Variants in SZT2 observed in about 807,000 individuals in gnomAD.
SZT2 encodes KICSTOR complex protein SZT2.
A neutral mutation model predicts 404.2 loss-of-function variants in SZT2; 216 were observed. That is an observed-to-expected ratio of 0.53 (90% CI 0.48 to 0.60). The LOEUF is 0.60. Among genes scored for constraint, SZT2 ranks in the 20% least tolerant of loss-of-function variants. The pLI is 0.00. For synonymous variants in SZT2, 1,693 were observed against 1,749.9 expected (o/e 0.97, Z 0.81); for missense variants, 3,857 against 4,459.2 (o/e 0.86, Z 3.85).
rs1489400267 is a variant in SZT2 at position 43,422,800 on chromosome 1, A to G, written c.1954A>G (p.Met652Val). Residue 652 changes from methionine (M) to valine (V), a missense_variant, in exon 14 of 72, where the codon ATG (methionine) becomes GTG (valine). By Grantham distance (21) the Met-to-Val change is conservative. This residue lies in a region of SZT2 where 1,725 missense variants were observed against 1,881.0 expected (regional missense o/e 0.92). Transcript: ENST00000634258. ...APDQPPNSFY[M>V]VRIISKAPCM... The stretch of plus-strand genomic sequence containing the variant: ...AGACCAGCCCCCCAATTCCTTCTAC[A>G]TGGTCCGTATCATTTCCAAGGCCCC... 1.9e-6 allele frequency: 3 copies of G among 1,590,836 alleles called. No individual in the cohort carries two copies. The highest frequency in any genetic ancestry group is 1.7e-5 in the Admixed American group (1 of 59,360).
chr1:43,438,617 T>G, intron 46 of SZT2, 82 bp from the exon 47 acceptor site: 7 of 1,331,272 alleles, frequency 5.3e-6, no homozygotes, highest in African/African-American at 1.4e-5. Flanking sequence ...GGGGATTCTT[T>G]GAGTTTGGCA....
In SZT2 at chr1:43,453,240, G is replaced by T; in HGVS notation, c.*2760G>T. 1 of 647,000 alleles carries T rather than the reference G, an allele frequency of 1.5e-6. No individual in the cohort carries two copies. The highest frequency in any genetic ancestry group is 2.7e-6 in the Non-Finnish European group (1 of 372,722). 40.1% of individuals were successfully genotyped at this position (647,000 alleles called of 1,614,324 possible). Reference sequence around the variant, plus strand: ...GCATAAGACAGATAAAATACAAAAGGCAATTTACAAAGGACCAGGACCGCA... The same window carrying T: ...GCATAAGACAGATAAAATACAAAAGTCAATTTACAAAGGACCAGGACCGCA... On this transcript the variant is annotated 3_prime_UTR_variant, in exon 72 of 72. Coordinates refer to ENST00000634258, the MANE Select transcript of SZT2 (RefSeq NM_001365999.1).
In SZT2 at chr1:43,416,118, TTGG is replaced by T; in HGVS notation, c.772+21_772+23del. 6.3e-7 allele frequency: 1 copy of T among 1,597,152 alleles called. No homozygotes were observed. The highest frequency in any genetic ancestry group is 8.5e-7 in the Non-Finnish European group (1 of 1,179,106). ...CTAGTGCAGGTCAGTAGAAGGAATA[TTGG>T]TGGGACTGGGGAAGCAGGGATACAG... On this transcript the variant is annotated intron_variant, in intron 6 of 71. Transcript: ENST00000634258.
In SZT2 at chr1:43,422,115, A is replaced by G. The variant is rs556180436; in HGVS notation, c.1659A>G (p.Ser553=). ...VLSLQPSGSD[S]SHAQFAAYWK... is the part of the protein sequence containing the mutation. ...CCCTCCAGCCCAGTGGTTCTGACTC[A>G]TCCCATGCCCAGTTTGCTGCCTACT... The change falls in exon 12 of 72, where the codon TCA becomes TCG. Residue 553 remains serine (S), a synonymous_variant. Coordinates refer to ENST00000634258, the MANE Select transcript of SZT2 (RefSeq NM_001365999.1). 39 of 1,597,892 alleles carry G rather than the reference A, an allele frequency of 2.4e-5. No individual in the cohort carries two copies. The highest frequency in any genetic ancestry group is 1.3e-4 in the Admixed American group (8 of 59,990).
chr1:43,416,680 A>T (rs1453661001), intron 7 of SZT2, 39 bp downstream of exon 7: 1 of 1,501,486 alleles, frequency 6.7e-7, no homozygotes, highest in East Asian at 2.3e-5. Flanking sequence ...GATATGGAAT[A>T]TCTCACACAA....
At chr1:43,415,281 G>A in intron 5 of SZT2, 68 bp downstream of exon 5, 1 of 1,571,628 alleles carries the variant, frequency 6.4e-7, no homozygotes, top group Non-Finnish European at 8.6e-7. Flanking sequence ...AGGGCAGAGA[G>A]GAGGGATAGT....
intron 1 of SZT2, among the ~76,000 whole-genome samples, chr1:43,401,976 A>C (rs964550623): frequency 1.4e-4 from 22 of 152,026 alleles, no homozygotes; most frequent in African/African-American, 5.3e-4. Flanking sequence ...TGTTCTCCAC[A>C]CTTTTCTCTG....
intron 1 of SZT2, among the ~76,000 whole-genome samples, chr1:43,399,335 A>G (rs1032812983): frequency 6.6e-6 from 1 of 151,872 alleles, no homozygotes; most frequent in East Asian, 1.9e-4. Flanking sequence ...GCATTATCTC[A>G]TCAAGACCCA....
Position 43,453,020 on chromosome 1 carries a change from A to G in SZT2, c.*2540A>G, listed in dbSNP as rs1656609385. 1 of 1,458,372 alleles carries G rather than the reference A, an allele frequency of 6.9e-7. No individual in the cohort carries two copies. Among genetic ancestry groups the G allele is most frequent in the East Asian group, 2.3e-5 (1 of 43,644 alleles). 90.3% of individuals were successfully genotyped at this position (1,458,372 alleles called of 1,614,324 possible). On this transcript the variant is annotated 3_prime_UTR_variant, in exon 72 of 72. Transcript: ENST00000634258. ...ATGCCCACTCCTTGAAGACAGTCCAAGCATCACTACCTGTAAGCAGCTTTC... is the reference window on the plus strand; with the variant it reads ...ATGCCCACTCCTTGAAGACAGTCCAGGCATCACTACCTGTAAGCAGCTTTC...
At chr1:43,413,492 A>G (rs955049948) in intron 4 of SZT2, among the ~76,000 whole-genome samples, 13 of 152,244 alleles carry the variant, frequency 8.5e-5, no homozygotes, top group African/African-American at 2.7e-4. Context: ...TGGAAGAGAT[A>G]TCTGCACTCC....
Position 43,453,402 on chromosome 1 carries a change from C to T in SZT2, c.*2922C>T, listed in dbSNP as rs137998671. 3.2e-6 allele frequency: 5 copies of T among 1,555,744 alleles called. No homozygotes were observed. Among genetic ancestry groups the T allele is most frequent in the East Asian group, 4.8e-5 (2 of 41,420 alleles). On this transcript the variant is annotated 3_prime_UTR_variant, in exon 72 of 72. Coordinates refer to ENST00000634258, the MANE Select transcript of SZT2 (RefSeq NM_001365999.1). ...GCGGGGTACCTGGGACAGCCCAGGG[C>T]TTTGGCATACCGCACGGCCTGCTCC...
chr1:43,429,878 A>ATC, intron 29 of SZT2, 34 bp downstream of exon 29: 1 of 1,613,646 alleles, frequency 6.2e-7, no homozygotes, highest in Non-Finnish European at 8.5e-7. Context: ...AAGAGGTGTT[A>ATC]GAGTCCTGCC....
chr1:43,431,708 A>G lies in SZT2; in HGVS notation c.5089-8A>G, dbSNP rs1217415516. ...AGATGCCCTTTGTCACTTGCTGTCT[A>G]ACTGTAGATCCGCTGGTTGTTGGAA... On this transcript the variant is annotated splice_polypyrimidine_tract_variant and splice_region_variant and intron_variant, in intron 35 of 71. Coordinates refer to ENST00000634258, the MANE Select transcript of SZT2 (RefSeq NM_001365999.1). The G allele has an allele frequency of 1.9e-6, 3 of 1,613,790 alleles. No individual in the cohort carries two copies. The highest frequency in any genetic ancestry group is 1.7e-5 in the Admixed American group (1 of 60,024).
chr1:43,440,468 G>T lies in SZT2; in HGVS notation c.7226G>T (p.Gly2409Val). The T allele has an allele frequency of 6.2e-7, 1 of 1,600,860 alleles. No homozygotes were observed. The highest frequency in any genetic ancestry group is 8.5e-7 in the Non-Finnish European group (1 of 1,174,268). Reference protein sequence around the residue: ...EDTPTGSLRNGSLETKSSAGR... With the variant: ...EDTPTGSLRNVSLETKSSAGR... ...ATGTCCACAGGAAGTCTCAGGAACG[G>T]ATCGTTGGAAACTAAGAGCTCTGCA... The change falls in exon 52 of 72, where the codon GGA (glycine) becomes GTA (valine). Residue 2409 changes from glycine (G) to valine (V), a missense_variant. Coordinates refer to ENST00000634258, the MANE Select transcript of SZT2 (RefSeq NM_001365999.1).
At chr1:43,414,973 A>G in intron 4 of SZT2, 109 bp from the exon 5 acceptor site, 2 of 1,386,852 alleles carry the variant, frequency 1.4e-6, no homozygotes. Flanking sequence ...CTGGTTGGGT[A>G]GGAAGTCAGG....
Position 43,420,065 on chromosome 1 carries a change from A to G in SZT2, c.1091-88A>G. 6.4e-7 allele frequency: 1 copy of G among 1,568,254 alleles called. No homozygotes were observed. Among genetic ancestry groups the G allele is most frequent in the South Asian group, 1.2e-5 (1 of 86,750 alleles). On this transcript the variant is annotated intron_variant, in intron 8 of 71. Transcript: ENST00000634258. The surrounding 1 kb of genome is among the most constrained non-coding windows in gnomAD (Gnocchi z 5.1). ...GGCTCTGCTGGCACTGTTACCTCAC[A>G]GTCATTTCAGCATAGCCCCTTCCCC...
intron 15 of SZT2, 44 bp downstream of exon 15, chr1:43,423,360 G>A: frequency 6.7e-7 from 1 of 1,502,302 alleles, no homozygotes; most frequent in South Asian, 1.3e-5. Context: ...CAGGGTATGA[G>A]TGGTACAGAG....
At position 43,421,104 on chromosome 1, in the gene SZT2, C is replaced by G. The variant is rs533535750; in HGVS notation, c.1497-70C>G. 9 of 1,595,820 alleles carry G rather than the reference C, an allele frequency of 5.6e-6. No individual in the cohort carries two copies. The East Asian group carries it at 1.1e-4, about 20-fold the overall frequency. On this transcript the variant is annotated intron_variant, in intron 10 of 71. Transcript: ENST00000634258. The stretch of plus-strand genomic sequence containing the variant: ...CAGGCTTATATCCAGGGTCCCATGT[C>G]CCCCTAAGGCTCCCCTCATCTGCAC...
chr1:43,393,517 T>G (rs1648651751), intron 1 of SZT2, among the ~76,000 whole-genome samples: 1 of 152,296 alleles, frequency 6.6e-6, no homozygotes, highest in African/African-American at 2.4e-5. Flanking sequence ...TGGTGAGAGA[T>G]AAGGCTGGAG....
Sources: gnomAD v4.1 joint callset for allele counts (sites outside exome capture counted in the v4.1 genomes callset) on GRCh38, gnomAD v4.1.1 for gene constraint, gnomAD v4.1.1 regional missense constraint, Gnocchi (gnomAD v3.1) non-coding constraint, MANE v1.5 for transcripts, NCBI Gene and HGNC (gene_info 2026-07-23, HGNC 2026-07-21) for gene names.